PEG3: variants seen among roughly 807,000 people sequenced by gnomAD.
The protein encoded by PEG3 is paternally-expressed gene 3 protein.
A neutral mutation model predicts 35.5 loss-of-function variants in PEG3; 23 were observed. That is an observed-to-expected ratio of 0.65 (90% CI 0.47 to 0.92). The LOEUF (loss-of-function observed/expected upper bound fraction) is 0.92, where lower values mean the gene tolerates loss of function less well. Ranked by LOEUF, PEG3 falls within the 40% of genes least tolerant of loss-of-function variation. The probability of loss-of-function intolerance (pLI) is 0.00; values close to 1 mark genes in which losing one functional copy is unlikely to be tolerated. For synonymous variants in PEG3, 707 were observed against 697.0 expected (o/e 1.01, Z -0.23); for missense variants, 1,960 against 1,985.3 (o/e 0.99, Z 0.24).
rs759512604 is a variant in PEG3, at chr19:56,821,717, C to T, written c.603G>A (p.Ala201=). Residue 201 remains alanine, a synonymous_variant, in exon 7 of 10, where the codon GCG becomes GCA. Coordinates refer to ENST00000326441, the MANE Select transcript of PEG3 (RefSeq NM_006210.3). Reference sequence around the variant, plus strand: ...CTCTGTCCATTTCAAAGCTTGTTTTCGCCACCACAGGAAGGGAAAGATCCC... The same window carrying T: ...CTCTGTCCATTTCAAAGCTTGTTTTTGCCACCACAGGAAGGGAAAGATCCC... ...PPRDLSLPVV[A]KTSFEMDRED... is the part of the protein sequence containing the mutation. The T allele has an allele frequency of 4.3e-5, 69 of 1,613,910 alleles. No homozygotes were observed. The highest frequency in any genetic ancestry group is 3.1e-4 in the South Asian group (28 of 91,076).
intron 7 of PEG3, among the ~76,000 whole-genome samples, chr19:56,820,106 TTG>T (rs770861126): frequency 3.3e-5 from 5 of 152,244 alleles, no homozygotes; most frequent in Non-Finnish European, 5.9e-5. Context: ...GTTGTTCGCT[TTG>T]TGTTTGTAAT....
intron 1 of PEG3, among the ~76,000 whole-genome samples, chr19:56,838,568 G>C (rs1166041709): frequency 6.6e-6 from 1 of 152,208 alleles, no homozygotes; most frequent in East Asian, 1.9e-4. Context: ...GGTGAACAAA[G>C]TCTTGGTCAG....
rs772702369 is a variant in PEG3, at chr19:56,813,961, T to G, written c.4481A>C (p.Glu1494Ala). 6.2e-7 allele frequency: 1 copy of G among 1,614,140 alleles called. No homozygotes were observed. The highest frequency in any genetic ancestry group is 8.5e-7 in the Non-Finnish European group (1 of 1,179,980). ...TTCTTCTACCTGAATCTCTTGATCT[T>G]CACCTTCTTCTGGGTCTTCAATTCC... ...GVGIEDPEEG[E>A]DQEIQVEEPY... The change falls in exon 10 of 10, where the codon GAA (glutamate) becomes GCA (alanine). Residue 1494 changes from glutamate (E) to alanine (A), a missense_variant. This residue lies in a region of PEG3 where 416 missense variants were observed against 416.7 expected (regional missense o/e 1.00). Transcript: ENST00000326441.
chr19:56,824,660 C>G lies in PEG3; in HGVS notation c.-5G>C. 2 of 1,586,738 alleles carry G rather than the reference C, an allele frequency of 1.3e-6. No individual in the cohort carries two copies. Among genetic ancestry groups the G allele is most frequent in the Non-Finnish European group, 1.7e-6 (2 of 1,164,182 alleles). On this transcript the variant is annotated 5_prime_UTR_variant, in exon 4 of 10. An upstream open reading frame in the 5' UTR loses its in-frame stop. Transcript: ENST00000326441. ...CAAGTGCTTTGGAGGCAGCATTTCT[C>G]TAAGTAAAATTTTCACTGGAGGAAC...
At position 56,811,298 on chromosome 19, in the gene PEG3, A is replaced by G. The variant is rs2059525326; in HGVS notation, c.*2377T>C. The stretch of plus-strand genomic sequence containing the variant: ...TTTGACTATAAGCATATATATTTTT[A>G]AACAGTTATAATGAACTGTTTAAAT... On this transcript the variant is annotated 3_prime_UTR_variant, in exon 10 of 10. Transcript: ENST00000326441. The G allele has an allele frequency of 1.1e-6, 1 of 916,234 alleles. No homozygotes were observed. The allele number at this position is 916,234 out of a possible 1,614,324, so 56.8% of individuals were successfully genotyped here. A position where few individuals can be genotyped will look rare whatever the true frequency, so the allele number is the denominator to read the frequency against.
At position 56,817,329 on chromosome 19, in the gene PEG3, A is replaced by G. The variant is rs139858342; in HGVS notation, c.1113T>C (p.Phe371=). The G allele has an allele frequency of 8.5e-5, 137 of 1,614,078 alleles. No homozygotes were observed. The African/African-American group carries it at 1.7e-3, about 20-fold the overall frequency. Residue 371 remains phenylalanine (F), a synonymous_variant, in exon 10 of 10, where the codon TTT becomes TTC. Transcript: ENST00000326441. ...IQQRVYEGNA[F]RGGFRFNSTL... ...TTGAATTAAACCTAAAGCCTCCCCT[A>G]AATGCATTCCCTTCATAAACCCGCT...
At chr19:56,820,447 A>G (rs1446484303) in intron 7 of PEG3, among the ~76,000 whole-genome samples, 2 of 152,158 alleles carry the variant, frequency 1.3e-5, no homozygotes, top group African/African-American at 2.4e-5. Context: ...AAAGCAAAAC[A>G]AGACAAAGCC....
intron 6 of PEG3, among the ~76,000 whole-genome samples, chr19:56,822,055 G>A (rs549242172): frequency 1.1e-4 from 17 of 152,062 alleles, no homozygotes; most frequent in East Asian, 3.9e-4. Context: ...CTCATCCTTC[G>A]GGCACAACCT....
In PEG3 at chr19:56,814,235, C is replaced by T. The variant is rs568262074; in HGVS notation, c.4207G>A (p.Glu1403Lys). Reference protein sequence around the residue: ...EAAEPEVEAAEPEVEAAEPEV... With the variant: ...EAAEPEVEAAKPEVEAAEPEV... Reference sequence around the variant, plus strand: ...GGCTCAGCAGCCTCCACTTCTGGCTCGGCAGCCTCCACTTCTGGCTCAGCA... The same window carrying T: ...GGCTCAGCAGCCTCCACTTCTGGCTTGGCAGCCTCCACTTCTGGCTCAGCA... Residue 1403 changes from glutamate to lysine, a missense_variant, in exon 10 of 10, where the codon GAG becomes AAG. Coordinates refer to ENST00000326441, the MANE Select transcript of PEG3 (RefSeq NM_006210.3). The surrounding 1 kb of genome is among the most constrained non-coding windows in gnomAD (Gnocchi z 5.8). The T allele has an allele frequency of 1.8e-5, 29 of 1,612,976 alleles. No individual in the cohort carries two copies. The highest frequency in any genetic ancestry group is 5.0e-5 in the Admixed American group (3 of 60,004).
At chr19:56,822,520 C>T (rs2060598659) in intron 6 of PEG3, 2 of 438,128 alleles carry the variant, frequency 4.6e-6, no homozygotes, top group Admixed American at 4.0e-5. Flanking sequence ...AATGCACCAG[C>T]TTAAGAATAC....
Position 56,836,926 on chromosome 19 carries a change from C to T in PEG3, c.-249-822G>A, listed in dbSNP as rs143803549. ...CAGAGGCTGCAGTGAGCCAAGATCA[C>T]GCCACCACACTCCAGCCTGGGTGAG... On this transcript the variant is annotated intron_variant, in intron 1 of 9. Coordinates refer to ENST00000326441, the MANE Select transcript of PEG3 (RefSeq NM_006210.3). Among the ~76,000 whole-genome samples, 374 of 144,374 alleles carry T rather than the reference C, an allele frequency of 2.6e-3. 2 individuals carry two copies. Among genetic ancestry groups the T allele is most frequent in the African/African-American group, 8.2e-3 (313 of 37,940 alleles). The allele number at this position is 144,374 out of a possible 152,430, so 94.7% of individuals were successfully genotyped here. A position where few individuals can be genotyped will look rare whatever the true frequency, so the allele number is the denominator to read the frequency against.
At chr19:56,839,636 G>A (rs777517675) in intron 1 of PEG3, among the ~76,000 whole-genome samples, 1 of 151,062 alleles carries the variant, frequency 6.6e-6, no homozygotes, top group East Asian at 2.0e-4. Context: ...CTAGAACAGC[G>A]CCTACTCGGC....
At chr19:56,828,586 G>A (rs1296043979) in intron 2 of PEG3, among the ~76,000 whole-genome samples, 1 of 152,154 alleles carries the variant, frequency 6.6e-6, no homozygotes, top group East Asian at 1.9e-4. Context: ...GGAAAATAAA[G>A]ATGGGTCCAA....
intron 7 of PEG3, among the ~76,000 whole-genome samples, chr19:56,820,058 G>A (rs1267292296): frequency 6.6e-6 from 1 of 152,204 alleles, no homozygotes; most frequent in Non-Finnish European, 1.5e-5. Flanking sequence ...CGCTTTGATT[G>A]AAAATTAAAA....
chr19:56,828,266 C>A (rs2061251815), intron 2 of PEG3, among the ~76,000 whole-genome samples: 1 of 152,060 alleles, frequency 6.6e-6, no homozygotes, highest in Admixed American at 6.5e-5. Flanking sequence ...TTTAGAAAAC[C>A]CTAAAGAATC....
intron 7 of PEG3, among the ~76,000 whole-genome samples, chr19:56,820,573 A>G (rs1290588046): frequency 6.6e-5 from 10 of 152,096 alleles, no homozygotes; most frequent in Non-Finnish European, 1.3e-4. Flanking sequence ...AGCTCTCCCT[A>G]ATGCCTGGGG....
chr19:56,813,943 A>G lies in PEG3; in HGVS notation c.4499T>C (p.Val1500Ala). Residue 1500 changes from valine (V) to alanine (A), a missense_variant, in exon 10 of 10, where the codon GTA becomes GCA. This residue lies in a region of PEG3 where 416 missense variants were observed against 416.7 expected (regional missense o/e 1.00). Coordinates refer to ENST00000326441, the MANE Select transcript of PEG3 (RefSeq NM_006210.3). The stretch of plus-strand genomic sequence containing the variant: ...ATGGCAGTCATAGTATGGTTCTTCT[A>G]CCTGAATCTCTTGATCTTCACCTTC... ...PEEGEDQEIQ[V>A]EEPYYDCHEC... 6.2e-7 allele frequency: 1 copy of G among 1,614,128 alleles called. No individual in the cohort carries two copies. Among genetic ancestry groups the G allele is most frequent in the Non-Finnish European group, 8.5e-7 (1 of 1,180,006 alleles).
rs535164284 is a variant in PEG3, at chr19:56,824,389, C to G, written c.267G>C (p.Leu89Phe). 6.2e-7 allele frequency: 1 copy of G among 1,614,122 alleles called. No homozygotes were observed. The highest frequency in any genetic ancestry group is 2.2e-5 in the East Asian group (1 of 44,858). Residue 89 changes from leucine to phenylalanine, a missense_variant, in exon 4 of 10, where the codon TTG becomes TTC. Physicochemically the swap from Leu to Phe is conservative, Grantham distance 22. Transcript: ENST00000326441. ...TRTKEEIIEL[L>F]VLEQYLTIIP... ...TGATGGTCAGGTACTGCTCAAGGAC[C>G]AAGAGCTCGATGATCTCCTCCTTGG...
intron 7 of PEG3, 38 bp from the exon 8 acceptor site, chr19:56,818,740 C>A: frequency 6.3e-7 from 1 of 1,588,884 alleles, no homozygotes; most frequent in South Asian, 1.1e-5. Context: ...TGGAGTCTGT[C>A]CCCACCGATG....
Sources: allele counts gnomAD v4.1 joint callset (sites outside exome capture counted in the v4.1 genomes callset), GRCh38; gene constraint gnomAD v4.1.1; regional missense constraint gnomAD v4.1.1; non-coding constraint Gnocchi (gnomAD v3.1); transcripts MANE v1.5; gene names NCBI Gene and HGNC (gene_info 2026-07-23, HGNC 2026-07-21).